Variants in UROS observed in about 807,000 individuals in gnomAD.
The protein encoded by UROS is uroporphyrinogen-III synthase.
A neutral mutation model predicts 33.0 loss-of-function variants in UROS; 18 were observed. The ratio of observed to expected loss-of-function variants is 0.55; its 90% CI spans 0.38 to 0.81. The LOEUF is 0.81. Among genes scored for constraint, UROS ranks in the 30% least tolerant of loss-of-function variants. The pLI is 0.00. For synonymous variants in UROS, 114 were observed against 121.1 expected (o/e 0.94, Z 0.38); for missense variants, 293 against 314.9 (o/e 0.93, Z 0.53).
At chr10:125,807,660 C>G (rs183268198) in intron 5 of UROS, among the ~76,000 whole-genome samples, 173 bp from the exon 6 acceptor site, 1 of 152,326 alleles carries the variant, frequency 6.6e-6, no homozygotes, top group East Asian at 1.9e-4. Context: ...GAAGAGAAAG[C>G]ATCAGGTCCT....
intron 4 of UROS, 71 bp from the exon 5 acceptor site, chr10:125,812,359 T>C (rs1357259661): frequency 7.2e-7 from 1 of 1,396,252 alleles, no homozygotes; most frequent in Non-Finnish European, 1.0e-6. Flanking sequence ...CCAAGGCTGC[T>C]TGTTCACCCT....
At chr10:125,820,255 G>A (rs559767542) in intron 1 of UROS, among the ~76,000 whole-genome samples, 16 of 152,334 alleles carry the variant, frequency 1.1e-4, no homozygotes, top group African/African-American at 3.8e-4. Flanking sequence ...GCAAGCTGGA[G>A]ACTTGTTAGC....
chr10:125,815,090 C>A lies in UROS; in HGVS notation c.188G>T (p.Ser63Ile). ...PEDYGGLIFTSPRAVEAAELC... is the reference protein window; with the variant it reads ...PEDYGGLIFTIPRAVEAAELC... ...CTCTGCTGCTTCCACTGCTCTGGGG[C>A]TGGTAAAAATGAGTCCCCCGTAATC... Residue 63 changes from serine (S) to isoleucine (I), a missense_variant, in exon 4 of 10, where the codon AGC (serine) becomes ATC (isoleucine). Physicochemically the swap from Ser to Ile is moderately radical, Grantham distance 142 (BLOSUM62 -2). Transcript: ENST00000368797. 1 of 1,614,178 alleles carries A rather than the reference C, an allele frequency of 6.2e-7. No homozygotes were observed. Among genetic ancestry groups the A allele is most frequent in the African/African-American group, 1.3e-5 (1 of 75,042 alleles).
At chr10:125,816,092 AG>A in intron 3 of UROS, 84 bp downstream of exon 3, 1 of 1,271,738 alleles carries the variant, frequency 7.9e-7, no homozygotes, top group Non-Finnish European at 1.2e-6. Context: ...TAAAATAAGA[AG>A]ACAGTAAAAT....
intron 5 of UROS, among the ~76,000 whole-genome samples, chr10:125,808,539 A>T (rs961228642): frequency 6.6e-6 from 1 of 152,262 alleles, no homozygotes; most frequent in African/African-American, 2.4e-5. Context: ...CAGGAACTGA[A>T]CTGAGACATA....
At chr10:125,790,309 A>G (rs1171185507) in intron 9 of UROS, among the ~76,000 whole-genome samples, 1 of 152,232 alleles carries the variant, frequency 6.6e-6, no homozygotes, top group Non-Finnish European at 1.5e-5. Context: ...TTCAGAGCTA[A>G]AACTACACAA....
downstream of UROS, among the ~76,000 whole-genome samples, chr10:125,788,125 C>T (rs1589904653): frequency 1.3e-5 from 2 of 152,192 alleles, no homozygotes; most frequent in Admixed American, 6.5e-5. Context: ...CTTCCCACCA[C>T]CAGCCCACAT....
chr10:125,806,324 T>G (rs1463482523), intron 6 of UROS, among the ~76,000 whole-genome samples: 1 of 152,144 alleles, frequency 6.6e-6, no homozygotes, highest in African/African-American at 2.4e-5. Flanking sequence ...GTATACTCTC[T>G]CCCTATACCA....
chr10:125,810,399 C>A (rs931867378), intron 5 of UROS, among the ~76,000 whole-genome samples: 6 of 152,148 alleles, frequency 3.9e-5, no homozygotes, highest in African/African-American at 1.4e-4. Flanking sequence ...GGAAGCAGAT[C>A]TTCTGAGGCC....
At chr10:125,795,007 C>T (rs1313610652) in intron 8 of UROS, 29 bp from the exon 9 acceptor site, 1 of 1,576,054 alleles carries the variant, frequency 6.3e-7, no homozygotes, top group Non-Finnish European at 8.7e-7. Context: ...AAGATCAGTC[C>T]TTGCCATGAG....
intron 5 of UROS, among the ~76,000 whole-genome samples, chr10:125,809,623 T>C (rs1852623652): frequency 6.6e-6 from 1 of 152,232 alleles, no homozygotes; most frequent in Non-Finnish European, 1.5e-5. Context: ...AAAAAATTTG[T>C]TTCATTATAT....
At chr10:125,802,021 T>C (rs1851874326) in intron 6 of UROS, 1 of 985,380 alleles carries the variant, frequency 1.0e-6, no homozygotes, top group Non-Finnish European at 1.2e-6. Context: ...TAGAAATAAT[T>C]ACTATTCTTT....
chr10:125,805,146 G>T (rs562801807), intron 6 of UROS, among the ~76,000 whole-genome samples: 1 of 152,342 alleles, frequency 6.6e-6, no homozygotes, highest in South Asian at 2.1e-4. Flanking sequence ...ATTGCCAAGT[G>T]GCCGAAACAC....
At chr10:125,813,925 A>G (rs554130074) in intron 4 of UROS, among the ~76,000 whole-genome samples, 1 of 152,234 alleles carries the variant, frequency 6.6e-6, no homozygotes, top group Admixed American at 6.5e-5. Flanking sequence ...ACTGTCACTT[A>G]CTCCATGCCC....
chr10:125,796,789 C>A (rs918742688), intron 7 of UROS: 4 of 985,222 alleles, frequency 4.1e-6, no homozygotes, highest in Non-Finnish European at 3.6e-6. Flanking sequence ...AAGGGACTCA[C>A]GCAATTTCAG....
At chr10:125,805,411 G>A (rs935992501) in intron 6 of UROS, among the ~76,000 whole-genome samples, 2 of 152,240 alleles carry the variant, frequency 1.3e-5, no homozygotes, top group African/African-American at 2.4e-5. Flanking sequence ...GGGATGAGCA[G>A]TGGCCTTGCT....
intron 6 of UROS, among the ~76,000 whole-genome samples, chr10:125,803,943 C>T (rs1852081471): frequency 6.6e-6 from 1 of 152,254 alleles, no homozygotes; most frequent in African/African-American, 2.4e-5. Context: ...AAGACCTCTG[C>T]CTTCTTTTGG....
In UROS at chr10:125,815,069, G is replaced by C. The variant is rs1564801168; in HGVS notation, c.209C>G (p.Ala70Gly). ...ATTGTTTTGCTCCAAACATAACTCT[G>C]CTGCTTCCACTGCTCTGGGGCTGGT... Reference protein sequence around the residue: ...IFTSPRAVEAAELCLEQNNKT... With the variant: ...IFTSPRAVEAGELCLEQNNKT... The change falls in exon 4 of 10, where the codon GCA (alanine) becomes GGA (glycine). Residue 70 changes from alanine to glycine, a missense_variant. Physicochemically the swap from Ala to Gly is moderately conservative, Grantham distance 60. Transcript: ENST00000368797. 1 of 1,614,196 alleles carries C rather than the reference G, an allele frequency of 6.2e-7. No homozygotes were observed. Among genetic ancestry groups the C allele is most frequent in the Non-Finnish European group, 8.5e-7 (1 of 1,180,030 alleles).
Position 125,805,137 on chromosome 10 carries a change from T to C in UROS, c.394+2276A>G, listed in dbSNP as rs181194186. Among the ~76,000 whole-genome samples the C allele has an allele frequency of 5.2e-4, 79 of 152,340 alleles. 1 individual carries two copies. The highest frequency in any genetic ancestry group is 1.8e-3 in the African/African-American group (75 of 41,566). ...AACTAAGGAGTGCACAGGCTCAGGA[T>C]TGCCAAGTGGCCGAAACACTCTGGG... On this transcript the variant is annotated intron_variant, in intron 6 of 9. Coordinates refer to ENST00000368797, the MANE Select transcript of UROS (RefSeq NM_000375.3).
Sources: allele counts gnomAD v4.1 joint callset (sites outside exome capture counted in the v4.1 genomes callset), GRCh38; gene constraint gnomAD v4.1.1; transcripts MANE v1.5; gene names NCBI Gene and HGNC (gene_info 2026-07-23, HGNC 2026-07-21).